Variants in LSAMP observed in about 807,000 individuals in gnomAD.
LSAMP encodes limbic system-associated membrane protein.
In LSAMP, 7 loss-of-function variants were observed where a neutral mutation model predicts 38.6. The observed-to-expected ratio is 0.18, with a 90% confidence interval of 0.10 to 0.34. The LOEUF (loss-of-function observed/expected upper bound fraction) is 0.34. Among genes scored for constraint, LSAMP ranks in the 10% least tolerant of loss-of-function variants. The probability of loss-of-function intolerance (pLI) is 1.00; values close to 1 mark genes in which losing one functional copy is unlikely to be tolerated. For missense variants in LSAMP, 313 were observed against 420.0 expected, an observed-to-expected ratio of 0.75 and a Z score of 2.23; for synonymous variants, 154 against 166.8, an observed-to-expected ratio of 0.92 and a Z score of 0.59.
chr3:116,178,096 C>T (rs369708941), intron 1 of LSAMP, among the ~76,000 whole-genome samples: 1 of 150,038 alleles, frequency 6.7e-6, no homozygotes, highest in African/African-American at 2.4e-5. Flanking sequence ...GTCTTGTGTA[C>T]GTGTGTGTGT....
intron 3 of LSAMP, among the ~76,000 whole-genome samples, chr3:115,958,928 A>G (rs936292196): frequency 6.6e-6 from 1 of 152,166 alleles, no homozygotes; most frequent in Non-Finnish European, 1.5e-5. Flanking sequence ...ACTGTAGGCC[A>G]CCCATAGGCT....
At chr3:116,234,905 C>T (rs2046446461) in intron 1 of LSAMP, among the ~76,000 whole-genome samples, 1 of 151,996 alleles carries the variant, frequency 6.6e-6, no homozygotes, top group Non-Finnish European at 1.5e-5. Context: ...TAATAATATG[C>T]TTTCTTCAAA....
intron 1 of LSAMP, among the ~76,000 whole-genome samples, chr3:116,220,493 A>G (rs1437351299): frequency 6.6e-6 from 1 of 152,148 alleles, no homozygotes; most frequent in Non-Finnish European, 1.5e-5. Flanking sequence ...AAAATGTTTA[A>G]TAGAGGATAA....
chr3:115,903,979 T>C (rs764052216), intron 3 of LSAMP, among the ~76,000 whole-genome samples: 1 of 152,168 alleles, frequency 6.6e-6, no homozygotes, highest in Non-Finnish European at 1.5e-5. Flanking sequence ...TCCAGATAAA[T>C]GACACATTAC....
At chr3:115,943,033 A>C (rs1379372314) in intron 3 of LSAMP, among the ~76,000 whole-genome samples, 1 of 152,190 alleles carries the variant, frequency 6.6e-6, no homozygotes, top group African/African-American at 2.4e-5. Flanking sequence ...GTTAAGAAGA[A>C]CTCAGATGAA....
intron 1 of LSAMP, among the ~76,000 whole-genome samples, chr3:116,165,196 T>G (rs1710020256): frequency 6.6e-6 from 1 of 152,218 alleles, no homozygotes; most frequent in African/African-American, 2.4e-5. Context: ...GGGCAGGAGT[T>G]GATCTCAGAT....
At chr3:116,235,420 T>C (rs1443478238) in intron 1 of LSAMP, among the ~76,000 whole-genome samples, 5 of 152,050 alleles carry the variant, frequency 3.3e-5, no homozygotes, top group African/African-American at 7.2e-5. Context: ...CCAGGCTTTA[T>C]TAACTTTAAG....
At position 115,925,437 on chromosome 3, in the gene LSAMP, T is replaced by C. The variant is rs138943837; in HGVS notation, c.515-72820A>G. The stretch of plus-strand genomic sequence containing the variant: ...AGAATTTTTTAAGCTTGATTTGTAG[T>C]TTTAAAGTATGAGGCAGTTAAATGA... On this transcript the variant is annotated intron_variant, in intron 3 of 6. Transcript: ENST00000490035. 4.6e-3 allele frequency among the ~76,000 whole-genome samples: 699 copies of C among 152,316 alleles called. 30 individuals are homozygous for C. Among genetic ancestry groups the C allele is most frequent in the Admixed American group, 0.041 (623 of 15,282 alleles).
intron 1 of LSAMP, among the ~76,000 whole-genome samples, chr3:116,409,426 T>C (rs1160216927): frequency 6.6e-6 from 1 of 152,062 alleles, no homozygotes; most frequent in Admixed American, 6.6e-5. Context: ...CCCATTTCCC[T>C]TTTAAAGATG....
chr3:116,159,750 C>A (rs1340267162), intron 1 of LSAMP, among the ~76,000 whole-genome samples: 1 of 152,118 alleles, frequency 6.6e-6, no homozygotes, highest in Non-Finnish European at 1.5e-5. Context: ...GAATGTAAAT[C>A]ATTCTACTGT....
At chr3:116,025,596 G>C (rs1030605148) in intron 2 of LSAMP, among the ~76,000 whole-genome samples, 1 of 151,402 alleles carries the variant, frequency 6.6e-6, no homozygotes, top group African/African-American at 2.4e-5. Flanking sequence ...TGAATTCTTT[G>C]AATCATATGG....
chr3:116,366,013 T>TTAAAA (rs1553727852), intron 1 of LSAMP, among the ~76,000 whole-genome samples: 1 of 28,686 alleles, frequency 3.5e-5, no homozygotes, highest in Admixed American at 6.5e-4. Flanking sequence ...TAGAGTATAA[T>TTAAAA]AAAAAAAAAA....
chr3:116,320,281 C>T (rs887455220), intron 1 of LSAMP, among the ~76,000 whole-genome samples: 3 of 152,016 alleles, frequency 2.0e-5, no homozygotes, highest in East Asian at 1.9e-4. Context: ...AGCATGGTGG[C>T]GCACACCTGT....
At chr3:116,082,058 A>G (rs2107411507) in intron 2 of LSAMP, among the ~76,000 whole-genome samples, 1 of 152,338 alleles carries the variant, frequency 6.6e-6, no homozygotes, top group South Asian at 2.1e-4. Context: ...TTTAAAAATA[A>G]GATTCTCGTT....
intron 1 of LSAMP, among the ~76,000 whole-genome samples, chr3:116,134,573 C>T (rs889205862): frequency 1.3e-5 from 2 of 152,156 alleles, no homozygotes; most frequent in African/African-American, 4.8e-5. Flanking sequence ...GGCTTGTTGC[C>T]GTCTCAGAGA....
intron 1 of LSAMP, among the ~76,000 whole-genome samples, chr3:116,386,348 C>T (rs745643157): frequency 3.3e-5 from 5 of 152,142 alleles, no homozygotes; most frequent in Non-Finnish European, 7.4e-5. Flanking sequence ...CTCCTACCTC[C>T]AAAATTCAAC....
chr3:116,343,376 G>C (rs1283396844), intron 1 of LSAMP, among the ~76,000 whole-genome samples: 1 of 152,160 alleles, frequency 6.6e-6, no homozygotes, highest in Admixed American at 6.6e-5. Flanking sequence ...CCACTGACTG[G>C]CCTGAAGGGA....
chr3:116,167,922 A>C (rs1333329177), intron 1 of LSAMP, among the ~76,000 whole-genome samples: 2 of 152,168 alleles, frequency 1.3e-5, no homozygotes, highest in East Asian at 3.9e-4. Flanking sequence ...GTAAAAGAGC[A>C]GTGAGAGTAA....
At chr3:115,962,937 C>A (rs1238416917) in intron 3 of LSAMP, among the ~76,000 whole-genome samples, 4 of 152,278 alleles carry the variant, frequency 2.6e-5, no homozygotes, top group African/African-American at 9.6e-5. Context: ...CCATAAGCTA[C>A]TATGTTCTGA....
Sources: gnomAD v4.1 joint callset for allele counts (sites outside exome capture counted in the v4.1 genomes callset) on GRCh38, gnomAD v4.1.1 for gene constraint, MANE v1.5 for transcripts, NCBI Gene and HGNC (gene_info 2026-07-23, HGNC 2026-07-21) for gene names.